Variants in GNL3L observed in about 807,000 individuals in gnomAD.
The protein encoded by GNL3L is G protein nucleolar 3 like, also known as guanine nucleotide-binding protein-like 3-like protein.
A neutral mutation model predicts 42.9 loss-of-function variants in GNL3L; 4 were observed. The observed-to-expected ratio is 0.09, with a 90% CI of 0.05 to 0.21. The LOEUF is 0.21. Among genes scored for constraint, GNL3L ranks in the 10% least tolerant of loss-of-function variants. The pLI, the probability that GNL3L is intolerant of heterozygous loss-of-function variation, is 1.00. For missense variants in GNL3L, 412 were observed against 481.7 expected (o/e 0.86, Z 1.36); for synonymous variants, 159 against 176.3 (o/e 0.90, Z 0.78).
chrX:54,587,004 C>G (rs1925791819), intron 16 of GNL3L, among the ~76,000 whole-genome samples: 1 of 112,054 alleles, frequency 8.9e-6, no homozygotes, highest in South Asian at 3.7e-4. Flanking sequence ...TGACTGACTA[C>G]TTGGGTTTCA....
intron 16 of GNL3L, among the ~76,000 whole-genome samples, chrX:54,592,842 A>C (rs1365081751): frequency 9.0e-6 from 1 of 110,849 alleles, no homozygotes; most frequent in Non-Finnish European, 1.9e-5. Flanking sequence ...AAGATGTTGA[A>C]TTTTATCAAA....
chrX:54,645,453 C>T, the GNL3L span, among the ~76,000 whole-genome samples: 15 of 111,810 alleles, frequency 1.3e-4, no homozygotes, highest in African/African-American at 1.9e-4. Flanking sequence ...TTGAGATGAC[C>T]GTGTGGGTTT....
intron 8 of GNL3L, among the ~76,000 whole-genome samples, chrX:54,547,371 T>C (rs901726333): frequency 7.2e-5 from 8 of 111,358 alleles, no homozygotes; most frequent in African/African-American, 2.6e-4. Context: ...CTGTTTCTTA[T>C]TGATGGATAT....
intron 14 of GNL3L, among the ~76,000 whole-genome samples, chrX:54,555,313 C>T (rs779918140): frequency 6.3e-5 from 7 of 110,604 alleles, no homozygotes; most frequent in African/African-American, 2.3e-4. Context: ...CATGCCTGGC[C>T]TGGGATCTTA....
At chrX:54,600,175 A>G (rs1194659822) in intron 16 of GNL3L, among the ~76,000 whole-genome samples, 3 of 52,954 alleles carry the variant, frequency 5.7e-5, no homozygotes, top group African/African-American at 1.8e-4. Flanking sequence ...GAATTATGTT[A>G]TGAGACTCTA....
the GNL3L span, among the ~76,000 whole-genome samples, chrX:54,641,162 C>G: frequency 4.5e-5 from 5 of 111,109 alleles, no homozygotes; most frequent in Non-Finnish European, 9.4e-5. Context: ...TCCCAGAGCT[C>G]CCTATCTGTG....
chrX:54,583,870 T>C (rs763975932), intron 16 of GNL3L, among the ~76,000 whole-genome samples: 2 of 110,563 alleles, frequency 1.8e-5, no homozygotes, highest in East Asian at 2.9e-4. Flanking sequence ...CTCCAACTTC[T>C]GGGCTCAAGT....
chrX:54,579,083 A>C (rs749512381), intron 16 of GNL3L, among the ~76,000 whole-genome samples: 1 of 111,901 alleles, frequency 8.9e-6, no homozygotes, highest in African/African-American at 3.2e-5. Context: ...GCCATTATTT[A>C]GTTTTGTGAA....
downstream of GNL3L, among the ~76,000 whole-genome samples, chrX:54,571,040 G>T (rs762691410): frequency 9.0e-6 from 1 of 110,803 alleles, no homozygotes; most frequent in Non-Finnish European, 1.9e-5. Context: ...AATTAATTCA[G>T]CTTTTGTATG....
intron 16 of GNL3L, among the ~76,000 whole-genome samples, chrX:54,615,695 C>A (rs1467831736): frequency 9.2e-6 from 1 of 108,688 alleles, no homozygotes; most frequent in African/African-American, 3.4e-5. Context: ...TCCCAGAAGC[C>A]AGTACTTGCT....
rs1253812355 is a variant in GNL3L at position 54,550,959 on chromosome X, G to A, written c.776-4G>A. 9.6e-7 allele frequency: 1 copy of A among 1,045,264 alleles called. No individual in the cohort carries two copies. Among genetic ancestry groups the A allele is most frequent in the South Asian group, 1.9e-5 (1 of 53,311 alleles). 86.1% of individuals were successfully genotyped at this position (1,045,264 alleles called of 1,213,427 possible). Reference sequence around the variant, plus strand: ...GCCCTGAGCCATCTGCTGCTATTTTGTAGGTCTTCCCAATGTTGGGAAGAG... The same window carrying A: ...GCCCTGAGCCATCTGCTGCTATTTTATAGGTCTTCCCAATGTTGGGAAGAG... On this transcript the variant is annotated splice_region_variant and splice_polypyrimidine_tract_variant and intron_variant, in intron 9 of 15. Coordinates refer to ENST00000360845, the MANE Select transcript of GNL3L (RefSeq NM_001184819.2).
the GNL3L span, among the ~76,000 whole-genome samples, chrX:54,636,814 A>G: frequency 8.9e-6 from 1 of 111,945 alleles, no homozygotes; most frequent in African/African-American, 3.2e-5. Context: ...GCTATTGTGA[A>G]TAGCACTGTG....
chrX:54,600,627 C>T (rs937325278), intron 16 of GNL3L, among the ~76,000 whole-genome samples: 2 of 110,578 alleles, frequency 1.8e-5, no homozygotes, highest in Admixed American at 9.7e-5. Context: ...TCTAGGTTCT[C>T]CACTTGGCCT....
At chrX:54,538,434 C>T (rs1469431411) in intron 2 of GNL3L, among the ~76,000 whole-genome samples, 1 of 111,795 alleles carries the variant, frequency 8.9e-6, no homozygotes, top group East Asian at 2.8e-4. Flanking sequence ...CAACTGTGAA[C>T]GGGTTGAGAG....
chrX:54,549,435 A>G (rs1924866672), intron 9 of GNL3L, among the ~76,000 whole-genome samples: 1 of 112,197 alleles, frequency 8.9e-6, no homozygotes, highest in Non-Finnish European at 1.9e-5. Flanking sequence ...CAGCTCATTC[A>G]TGCCTGTAGC....
chrX:54,587,592 T>C (rs1302193192), intron 16 of GNL3L, among the ~76,000 whole-genome samples: 1 of 112,117 alleles, frequency 8.9e-6, no homozygotes, highest in Non-Finnish European at 1.9e-5. Context: ...CAGTGTTTTA[T>C]AGTTTTCAGA....
rs573757595 is a variant in GNL3L at position 54,534,538 on chromosome X, C to T, written c.19+1953C>T. ...GACAGTATGGGAGATGAGGGATTAG[C>T]GAATACAGAGATCTGCTTTTGAGTA... On this transcript the variant is annotated intron_variant, in intron 2 of 15. Coordinates refer to ENST00000360845, the MANE Select transcript of GNL3L (RefSeq NM_001184819.2). Among the ~76,000 whole-genome samples the T allele has an allele frequency of 8.1e-5, 9 of 111,316 alleles. No individual in the cohort carries two copies. The South Asian group carries it at 1.1e-3, about 14-fold the overall frequency.
In GNL3L at chrX:54,597,186, A is replaced by C. The variant is rs1412371806; in HGVS notation, c.*46-23659A>C. Among the ~76,000 whole-genome samples, 3 of 111,485 alleles carry C rather than the reference A, an allele frequency of 2.7e-5. No homozygotes were observed. The East Asian group carries it at 8.5e-4, about 32-fold the overall frequency. On this transcript the variant is annotated intron_variant, in intron 16 of 16. Transcript: ENST00000674498. ...CCAGCAAGTCTCAGAGTCTCACCCA[A>C]GGCCACTGACATAGTATCTGGGCAT...
chrX:54,543,309 A>G lies in GNL3L; in HGVS notation c.493A>G (p.Asn165Asp). The G allele has an allele frequency of 8.3e-7, 1 of 1,211,299 alleles. No homozygotes were observed. Among genetic ancestry groups the G allele is most frequent in the Non-Finnish European group, 1.1e-6 (1 of 895,268 alleles). ...GGAGGCTGTCCTGCGAGCACAAGGCAACAAGAAGCTGGTCCTGGTCTTGAA... is the reference window on the plus strand; with the variant it reads ...GGAGGCTGTCCTGCGAGCACAAGGCGACAAGAAGCTGGTCCTGGTCTTGAA... ...MEEAVLRAQG[N>D]KKLVLVLNKI... is the part of the protein sequence containing the mutation. The change falls in exon 7 of 16, where the codon AAC (asparagine) becomes GAC (aspartate). Residue 165 changes from asparagine (N) to aspartate (D), a missense_variant. Transcript: ENST00000360845.
Sources: allele counts gnomAD v4.1 joint callset (sites outside exome capture counted in the v4.1 genomes callset), GRCh38; gene constraint gnomAD v4.1.1; transcripts MANE v1.5; gene names NCBI Gene and HGNC (gene_info 2026-07-23, HGNC 2026-07-21).